HDAC9: variants seen among roughly 807,000 people sequenced by gnomAD.
HDAC9 encodes MEF-2 interacting transcription repressor (MITR) protein.
HDAC9 carries 41 observed loss-of-function variants against 139.4 expected under a neutral mutation model. The ratio of observed to expected loss-of-function variants is 0.29; its 90% CI spans 0.23 to 0.38. The LOEUF (loss-of-function observed/expected upper bound fraction) is 0.38. Among genes scored for constraint, HDAC9 ranks in the 10% least tolerant of loss-of-function variants. The probability of loss-of-function intolerance (pLI) is 1.00; values close to 1 mark genes in which losing one functional copy is unlikely to be tolerated. For synonymous variants in HDAC9, 517 were observed against 476.2 expected, an observed-to-expected ratio of 1.09 and a Z score of -1.12; for missense variants, 1,147 against 1,297.0, an observed-to-expected ratio of 0.88 and a Z score of 1.78.
intron 1 of HDAC9, among the ~76,000 whole-genome samples, chr7:18,132,583 G>A (rs2128102961): frequency 6.6e-6 from 1 of 152,096 alleles, no homozygotes; most frequent in East Asian, 1.9e-4. Flanking sequence ...TTTGATTGAA[G>A]TTTTTAGCCT....
At chr7:18,770,658 G>A (rs370243024) in intron 16 of HDAC9, among the ~76,000 whole-genome samples, 3 of 152,154 alleles carry the variant, frequency 2.0e-5, no homozygotes, top group South Asian at 4.1e-4. Context: ...GAACTGAATC[G>A]ACCCATAATT....
At chr7:18,261,084 C>A (rs979371647) in intron 2 of HDAC9, among the ~76,000 whole-genome samples, 1 of 151,976 alleles carries the variant, frequency 6.6e-6, no homozygotes, top group African/African-American at 2.4e-5. Flanking sequence ...AGGGAGATTG[C>A]TTGAGCCTAG....
At chr7:18,522,154 C>T (rs892340870) in intron 2 of HDAC9, among the ~76,000 whole-genome samples, 6 of 152,086 alleles carry the variant, frequency 3.9e-5, no homozygotes, top group Non-Finnish European at 8.8e-5. Context: ...TTACAGCCCA[C>T]GTGTGAAAAT....
chr7:18,913,954 T>A (rs1228278799), intron 22 of HDAC9, among the ~76,000 whole-genome samples: 1 of 151,964 alleles, frequency 6.6e-6, no homozygotes, highest in Non-Finnish European at 1.5e-5. Context: ...CACACTACTA[T>A]GGTCTGAATG....
At chr7:18,967,458 A>G (rs1783935725) in intron 24 of HDAC9, among the ~76,000 whole-genome samples, 1 of 150,206 alleles carries the variant, frequency 6.7e-6, no homozygotes. Flanking sequence ...TTTTCATTCA[A>G]TTTATGGAAT....
intron 2 of HDAC9, among the ~76,000 whole-genome samples, chr7:18,565,184 CG>C (rs1563299590): frequency 6.6e-6 from 1 of 151,910 alleles, no homozygotes; most frequent in Admixed American, 6.6e-5. Flanking sequence ...TTAGTACAGA[CG>C]GGGTTTCTCC....
intron 2 of HDAC9, among the ~76,000 whole-genome samples, chr7:18,192,131 G>A (rs980437149): frequency 6.6e-6 from 1 of 152,156 alleles, no homozygotes; most frequent in African/African-American, 2.4e-5. Flanking sequence ...GGGCGGGGGG[G>A]TGTCACAGTA....
At chr7:18,792,946 G>A (rs1196855382) in intron 16 of HDAC9, among the ~76,000 whole-genome samples, 1 of 152,120 alleles carries the variant, frequency 6.6e-6, no homozygotes, top group Non-Finnish European at 1.5e-5. Flanking sequence ...CGATTTTTAT[G>A]TATAACTAAG....
chr7:18,866,873 A>G (rs1260415688), intron 21 of HDAC9, among the ~76,000 whole-genome samples: 1 of 152,208 alleles, frequency 6.6e-6, no homozygotes, highest in Non-Finnish European at 1.5e-5. Flanking sequence ...ACTTAAGGAC[A>G]ACACTTGACT....
chr7:18,729,471 T>G (rs1785844970), intron 13 of HDAC9, among the ~76,000 whole-genome samples: 1 of 152,182 alleles, frequency 6.6e-6, no homozygotes, highest in Non-Finnish European at 1.5e-5. Flanking sequence ...CTTCTAGTTT[T>G]CATATGTTCC....
chr7:18,364,176 A>G (rs1034301706), intron 1 of HDAC9, among the ~76,000 whole-genome samples: 4 of 152,094 alleles, frequency 2.6e-5, no homozygotes, highest in African/African-American at 9.7e-5. Context: ...CATCTGTGTG[A>G]GGCAGGATTG....
chr7:18,634,035 G>C (rs1452304980), intron 7 of HDAC9, among the ~76,000 whole-genome samples: 1 of 152,036 alleles, frequency 6.6e-6, no homozygotes, highest in Non-Finnish European at 1.5e-5. Context: ...AAGTTGAGTA[G>C]AGTTAAAGTC....
At chr7:18,592,209 ACT>A in intron 5 of HDAC9, among the ~76,000 whole-genome samples, 1 of 151,782 alleles carries the variant, frequency 6.6e-6, no homozygotes, top group South Asian at 2.1e-4. Context: ...TAAATAAATA[ACT>A]CTAAGTCTTC....
At chr7:18,781,239 T>C (rs767214618) in intron 16 of HDAC9, among the ~76,000 whole-genome samples, 2 of 152,058 alleles carry the variant, frequency 1.3e-5, no homozygotes, top group African/African-American at 2.4e-5. Context: ...TACAGTCCCA[T>C]TGGGCTTAGG....
At chr7:18,744,997 G>C (rs1227098526) in intron 13 of HDAC9, among the ~76,000 whole-genome samples, 1 of 152,116 alleles carries the variant, frequency 6.6e-6, no homozygotes, top group East Asian at 1.9e-4. Context: ...TTGTCCCACT[G>C]ATCAGGAGAA....
chr7:18,323,702 C>G (rs964619151), intron 1 of HDAC9, among the ~76,000 whole-genome samples: 1 of 152,156 alleles, frequency 6.6e-6, no homozygotes, highest in African/African-American at 2.4e-5. Flanking sequence ...GACACCCACC[C>G]TGGTAACTGT....
At chr7:18,367,730 C>A (rs1784297036) in intron 1 of HDAC9, among the ~76,000 whole-genome samples, 1 of 152,022 alleles carries the variant, frequency 6.6e-6, no homozygotes, top group Non-Finnish European at 1.5e-5. Flanking sequence ...AGGGTGGGTA[C>A]ATGTTCAACT....
chr7:18,738,795 G>C (rs571171180), intron 13 of HDAC9, among the ~76,000 whole-genome samples: 3 of 152,274 alleles, frequency 2.0e-5, no homozygotes, highest in South Asian at 2.1e-4. Flanking sequence ...TCCTGAATTT[G>C]AATGTTGGCC....
At chr7:18,746,063 G>A (rs1244495054) in intron 13 of HDAC9, among the ~76,000 whole-genome samples, 3 of 150,684 alleles carry the variant, frequency 2.0e-5, no homozygotes, top group Admixed American at 2.0e-4. Flanking sequence ...TGGAGACAGG[G>A]TCTCCCTATG....
Sources: gnomAD v4.1 joint callset for allele counts (sites outside exome capture counted in the v4.1 genomes callset) on GRCh38, gnomAD v4.1.1 for gene constraint, MANE v1.5 for transcripts, NCBI Gene and HGNC (gene_info 2026-07-23, HGNC 2026-07-21) for gene names.